The following KIF13B variants were observed in gnomAD, a reference collection of about 807,000 sequenced individuals.
The protein encoded by KIF13B is kinesin family member 13B, also known as kinesin-like protein KIF13B.
A neutral mutation model predicts 222.0 loss-of-function variants in KIF13B; 127 were observed. The observed-to-expected ratio is 0.57, with a 90% CI of 0.50 to 0.66. The LOEUF is 0.66. Ranked by LOEUF, KIF13B falls within the 30% of genes least tolerant of loss-of-function variation. The pLI, the probability that KIF13B is intolerant of heterozygous loss-of-function variation, is 0.00. For synonymous variants in KIF13B, 976 were observed against 919.0 expected (o/e 1.06, Z -1.12); for missense variants, 2,173 against 2,379.0 (o/e 0.91, Z 1.80).
intron 3 of KIF13B, 44 bp downstream of exon 3, chr8:29,196,143 T>C (rs1383491013): frequency 6.6e-7 from 1 of 1,507,382 alleles, no homozygotes; most frequent in Admixed American, 2.0e-5. Flanking sequence ...ACAACATGCA[T>C]ATAAGATCTT....
chr8:29,131,788 T>C (rs1810355957), intron 23 of KIF13B, among the ~76,000 whole-genome samples: 1 of 152,228 alleles, frequency 6.6e-6, no homozygotes, highest in African/African-American at 2.4e-5. Flanking sequence ...AGCTACAAAT[T>C]GAACTTTCTT....
intron 2 of KIF13B, among the ~76,000 whole-genome samples, chr8:29,239,480 T>C (rs769607515): frequency 2.0e-5 from 3 of 152,082 alleles, no homozygotes; most frequent in African/African-American, 4.8e-5. Flanking sequence ...GAGTTAAACA[T>C]TGGGTACACA....
In KIF13B at chr8:29,173,305, TGAA is replaced by T. The variant is rs899419780; in HGVS notation, c.945+2760_945+2762del. 4.6e-5 allele frequency among the ~76,000 whole-genome samples: 7 copies of T among 152,074 alleles called. 1 individual carries two copies. The South Asian group carries it at 1.2e-3, about 27-fold the overall frequency. On this transcript the variant is annotated intron_variant, in intron 10 of 39. Transcript: ENST00000524189. ...TCAGGAAATGTTTCTATGGAAAGTTTGAAGAAGAAGTATCTTATCAAGATTTCT... is the reference window on the plus strand; with the variant it reads ...TCAGGAAATGTTTCTATGGAAAGTTTGAAGAAGTATCTTATCAAGATTTCT...
intron 2 of KIF13B, among the ~76,000 whole-genome samples, chr8:29,238,757 G>A (rs1040065458): frequency 4.6e-5 from 7 of 152,084 alleles, no homozygotes; most frequent in Admixed American, 3.9e-4. Context: ...TCAACTCACA[G>A]AACACCAAAA....
At chr8:29,086,782 A>G (rs576922386) in intron 37 of KIF13B, among the ~76,000 whole-genome samples, 1 of 152,216 alleles carries the variant, frequency 6.6e-6, no homozygotes, top group Non-Finnish European at 1.5e-5. Context: ...CCTTTTAGGC[A>G]TATGAATGGG....
chr8:29,146,563 C>T (rs1404447097), intron 17 of KIF13B, 23 bp from the exon 18 acceptor site: 1 of 1,603,494 alleles, frequency 6.2e-7, no homozygotes, highest in Non-Finnish European at 8.5e-7. Flanking sequence ...AAAGAAGCGG[C>T]AGAGGTAGGG....
intron 10 of KIF13B, among the ~76,000 whole-genome samples, chr8:29,172,016 C>T (rs1237190178): frequency 2.0e-5 from 3 of 151,432 alleles, no homozygotes; most frequent in African/African-American, 7.3e-5. Context: ...CCTCGGCCCC[C>T]CAAAGTGCTA....
At chr8:29,169,124 G>A (rs1812130873) in intron 10 of KIF13B, among the ~76,000 whole-genome samples, 1 of 152,102 alleles carries the variant, frequency 6.6e-6, no homozygotes, top group Admixed American at 6.5e-5. Flanking sequence ...AAAATAAAAG[G>A]CTTTTCCAAT....
intron 37 of KIF13B, among the ~76,000 whole-genome samples, chr8:29,082,392 G>T (rs954730987): frequency 6.6e-6 from 1 of 151,952 alleles, no homozygotes; most frequent in South Asian, 2.1e-4. Context: ...AAAAGATATC[G>T]CTTCTGATTT....
At chr8:29,142,397 C>T in intron 18 of KIF13B, 94 bp from the exon 19 acceptor site, 1 of 1,080,558 alleles carries the variant, frequency 9.3e-7, no homozygotes. Context: ...TGTCATTACA[C>T]CAAAACTCAA....
chr8:29,179,462 T>A (rs1352522352), intron 8 of KIF13B, among the ~76,000 whole-genome samples: 1 of 152,168 alleles, frequency 6.6e-6, no homozygotes, highest in Non-Finnish European at 1.5e-5. Context: ...CGTCACAGTT[T>A]AAAACTCAAA....
At chr8:29,211,547 G>A (rs1321140661) in intron 2 of KIF13B, among the ~76,000 whole-genome samples, 1 of 152,238 alleles carries the variant, frequency 6.6e-6, no homozygotes, top group Non-Finnish European at 1.5e-5. Flanking sequence ...AAGCAATGCA[G>A]AGGGAGAACT....
At chr8:29,074,381 G>A (rs1057080760) in intron 38 of KIF13B, among the ~76,000 whole-genome samples, 2 of 152,198 alleles carry the variant, frequency 1.3e-5, no homozygotes, top group African/African-American at 4.8e-5. Context: ...GCACAGACTG[G>A]CACTCCAGGC....
intron 13 of KIF13B, among the ~76,000 whole-genome samples, chr8:29,159,598 C>T (rs909321106): frequency 1.3e-5 from 2 of 152,186 alleles, no homozygotes; most frequent in African/African-American, 4.8e-5. Context: ...CTCACAGGAA[C>T]CTGGCAAAGT....
At chr8:29,150,786 A>C (rs1448200671) in intron 14 of KIF13B, among the ~76,000 whole-genome samples, 1 of 152,182 alleles carries the variant, frequency 6.6e-6, no homozygotes, top group Non-Finnish European at 1.5e-5. Context: ...ACCCATGTAA[A>C]ATGGTAAATT....
chr8:29,113,296 C>CTATG (rs1809441717), intron 32 of KIF13B, among the ~76,000 whole-genome samples, 167 bp downstream of exon 32: 3 of 152,222 alleles, frequency 2.0e-5, no homozygotes, highest in Admixed American at 2.0e-4. Context: ...TTTAAAGCCA[C>CTATG]AAGTACATTT....
chr8:29,152,412 C>A (rs1363788141), intron 14 of KIF13B, among the ~76,000 whole-genome samples: 1 of 152,134 alleles, frequency 6.6e-6, no homozygotes, highest in Non-Finnish European at 1.5e-5. Flanking sequence ...AGAAATCGTT[C>A]TTGAAAGAAA....
At chr8:29,140,793 C>G (rs572936743) in intron 19 of KIF13B, 176 bp from the exon 20 acceptor site, 26 of 551,472 alleles carry the variant, frequency 4.7e-5, no homozygotes, top group African/African-American at 4.0e-4. Flanking sequence ...CTGTATTACT[C>G]CCATACACAC....
chr8:29,187,320 G>T (rs1812979901), intron 5 of KIF13B, among the ~76,000 whole-genome samples: 1 of 152,206 alleles, frequency 6.6e-6, no homozygotes, highest in Admixed American at 6.5e-5. Context: ...CTGAGGTCAG[G>T]AGTTTGAGAC....
Sources: allele counts gnomAD v4.1 joint callset (sites outside exome capture counted in the v4.1 genomes callset), GRCh38; gene constraint gnomAD v4.1.1; transcripts MANE v1.5; gene names NCBI Gene and HGNC (gene_info 2026-07-23, HGNC 2026-07-21).